The following WDR93 variants were observed in gnomAD, a reference collection of about 807,000 sequenced individuals.
WDR93 encodes the protein WD repeat domain 93, also known as WD repeat-containing protein 93.
A neutral mutation model predicts 82.9 loss-of-function variants in WDR93; 73 were observed. That is an observed-to-expected ratio of 0.88 (90% CI 0.73 to 1.07). The LOEUF (loss-of-function observed/expected upper bound fraction) is 1.07, where lower values mean the gene tolerates loss of function less well. Among genes scored for constraint, WDR93 ranks in the 50% least tolerant of loss-of-function variants. The probability of loss-of-function intolerance (pLI) is 0.00; values close to 1 mark genes in which losing one functional copy is unlikely to be tolerated. For synonymous variants in WDR93, 283 were observed against 300.1 expected (o/e 0.94, Z 0.59); for missense variants, 738 against 826.0 (o/e 0.89, Z 1.31).
At chr15:89,717,449 A>C (rs2141648619) in intron 7 of WDR93, among the ~76,000 whole-genome samples, 1 of 152,254 alleles carries the variant, frequency 6.6e-6, no homozygotes, top group South Asian at 2.1e-4. Context: ...ATTCTCAGTG[A>C]CTTAATCTTG....
chr15:89,691,905 A>G (rs947203451), intron 1 of WDR93, among the ~76,000 whole-genome samples: 1 of 152,152 alleles, frequency 6.6e-6, no homozygotes, highest in African/African-American at 2.4e-5. Context: ...CTGTTTTCCT[A>G]CATTGACAAA....
rs115116586 is a variant in WDR93, at chr15:89,701,832, C to A, written c.86C>A (p.Thr29Lys). The A allele has an allele frequency of 6.2e-7, 1 of 1,614,080 alleles. No homozygotes were observed. Among genetic ancestry groups the A allele is most frequent in the Admixed American group, 1.7e-5 (1 of 60,006 alleles). The change falls in exon 2 of 17, where the codon ACA becomes AAA. Residue 29 changes from threonine (T) to lysine (K), a missense_variant. Physicochemically the swap from Thr to Lys is moderately conservative, Grantham distance 78 (BLOSUM62 -1). Transcript: ENST00000268130. ...RKGPLEVPPP[T>K]EKDWPKDDEQ... ...GGACCATTGGAGGTGCCACCCCCAA[C>A]AGAGAAGGACTGGCCTAAAGACGAT...
intron 3 of WDR93, 95 bp downstream of exon 3, chr15:89,703,237 A>G: frequency 3.0e-6 from 4 of 1,330,472 alleles, no homozygotes; most frequent in Non-Finnish European, 1.1e-6. Context: ...GGGGCCAGGC[A>G]TGGAGACTTC....
Position 89,737,699 on chromosome 15 carries a change from T to C in WDR93, c.1735T>C (p.Ser579Pro). 1.2e-6 allele frequency: 2 copies of C among 1,614,154 alleles called. No homozygotes were observed. The highest frequency in any genetic ancestry group is 1.7e-6 in the Non-Finnish European group (2 of 1,180,014). The stretch of plus-strand genomic sequence containing the variant: ...CCCCTGGAAGCCAGTGTTTGCTGTG[T>C]CTCCAGACCATCCATGTTTCCTGCT... ...EVPWKPVFAV[S>P]PDHPCFLLRG... Residue 579 changes from serine to proline, a missense_variant, in exon 15 of 17, where the codon TCT (serine) becomes CCT (proline). Coordinates refer to ENST00000268130, the MANE Select transcript of WDR93 (RefSeq NM_020212.2).
intron 2 of WDR93, 69 bp downstream of exon 2, chr15:89,702,118 T>C: frequency 6.7e-7 from 1 of 1,482,822 alleles, no homozygotes; most frequent in Non-Finnish European, 9.0e-7. Context: ...AATCCCCTGA[T>C]CCAGGAAGGA....
chr15:89,732,782 C>T (rs1300631400), intron 12 of WDR93, among the ~76,000 whole-genome samples: 1 of 152,092 alleles, frequency 6.6e-6, no homozygotes, highest in East Asian at 1.9e-4. Flanking sequence ...TCTTGCTTCT[C>T]CCCCTCCCCA....
chr15:89,696,214 A>G (rs1965166417), intron 1 of WDR93, among the ~76,000 whole-genome samples: 1 of 152,216 alleles, frequency 6.6e-6, no homozygotes, highest in Admixed American at 6.5e-5. Flanking sequence ...AGAATGCTGT[A>G]TAAATGGAAT....
intron 11 of WDR93, among the ~76,000 whole-genome samples, chr15:89,730,344 G>T (rs1344987929): frequency 7.8e-6 from 1 of 128,910 alleles, no homozygotes; most frequent in South Asian, 2.5e-4. Flanking sequence ...AAAAAAAAAA[G>T]AGAGAGATTG....
At chr15:89,726,384 C>T (rs536311637) in intron 8 of WDR93, among the ~76,000 whole-genome samples, 32 of 152,294 alleles carry the variant, frequency 2.1e-4, no homozygotes, top group African/African-American at 7.5e-4. Context: ...GATCTGGCAT[C>T]GTCCTTTGAG....
At chr15:89,730,322 CA>C (rs370652070) in intron 11 of WDR93, among the ~76,000 whole-genome samples, 1,966 of 123,266 alleles carry the variant, frequency 0.016, 43 homozygotes, top group African/African-American at 0.055. Flanking sequence ...AAGACTATCT[CA>C]AAAAAAAAAA....
rs1487894219 is a variant in WDR93 at position 89,701,917 on chromosome 15, T to A, written c.171T>A (p.Tyr57Ter). 1 of 1,614,198 alleles carries A rather than the reference T, an allele frequency of 6.2e-7. No individual in the cohort carries two copies. Among genetic ancestry groups the A allele is most frequent in the Non-Finnish European group, 8.5e-7 (1 of 1,180,024 alleles). The change falls in exon 2 of 17, where the codon TAT becomes TAA. Residue 57 changes from tyrosine (Y) to a stop codon, truncating the protein, a stop_gained. Coordinates refer to ENST00000268130, the MANE Select transcript of WDR93 (RefSeq NM_020212.2). LOFTEE classifies it high-confidence loss of function. ...DEELDSLPQP[Y>*]RMINKLVNLL... ...AGCTGGATTCCTTGCCTCAGCCTTA[T>A]CGAATGATCAACAAGCTGGTGAACC...
chr15:89,725,312 A>C (rs1351340819), intron 8 of WDR93, among the ~76,000 whole-genome samples: 1 of 152,226 alleles, frequency 6.6e-6, no homozygotes, highest in East Asian at 1.9e-4. Flanking sequence ...AACAATATTG[A>C]GCAAAAGAGG....
intron 11 of WDR93, among the ~76,000 whole-genome samples, chr15:89,730,183 G>T (rs533690801): frequency 6.6e-6 from 1 of 152,244 alleles, no homozygotes; most frequent in Non-Finnish European, 1.5e-5. Context: ...AAATTAGCCG[G>T]ATATGGTGGC....
chr15:89,708,813 C>T (rs1411460968), intron 4 of WDR93, among the ~76,000 whole-genome samples: 1 of 152,158 alleles, frequency 6.6e-6, no homozygotes. Flanking sequence ...GAATGCTGTC[C>T]GCATTGTAGG....
At chr15:89,720,457 G>T (rs1398811858) in intron 7 of WDR93, among the ~76,000 whole-genome samples, 1 of 152,056 alleles carries the variant, frequency 6.6e-6, no homozygotes, top group Non-Finnish European at 1.5e-5. Context: ...ATTTTTAGTA[G>T]AGATGGGGTT....
At chr15:89,723,868 T>C (rs960880578) in intron 8 of WDR93, among the ~76,000 whole-genome samples, 3 of 152,148 alleles carry the variant, frequency 2.0e-5, no homozygotes, top group African/African-American at 4.8e-5. Flanking sequence ...GAAGTAAATA[T>C]ATGAAAGGCA....
Position 89,731,497 on chromosome 15 carries a change from GCTC to G in WDR93, c.1274_1276del (p.Ser425del), listed in dbSNP as rs1244707456. 3 of 1,614,064 alleles carry G rather than the reference GCTC, an allele frequency of 1.9e-6. No individual in the cohort carries two copies. The highest frequency in any genetic ancestry group is 2.7e-5 in the African/African-American group (2 of 74,936). ...CCCATTGCAGTCTCTCAGCTCAGCT[GCTC>G]CTCCTCCTACCTGGTGCTGGCCTGC... On this transcript the variant is annotated inframe_deletion, in exon 12 of 17. Coordinates refer to ENST00000268130, the MANE Select transcript of WDR93 (RefSeq NM_020212.2).
intron 11 of WDR93, among the ~76,000 whole-genome samples, chr15:89,730,580 A>G (rs898430925): frequency 2.6e-5 from 4 of 152,146 alleles, no homozygotes; most frequent in African/African-American, 9.7e-5. Context: ...CTAAGGAAAT[A>G]TAGGTTGTTG....
chr15:89,737,233 A>T (rs1967272789), intron 14 of WDR93, among the ~76,000 whole-genome samples: 1 of 152,210 alleles, frequency 6.6e-6, no homozygotes, highest in African/African-American at 2.4e-5. Flanking sequence ...TGGGAAGGAA[A>T]GGCATTGGGA....
Sources: allele counts gnomAD v4.1 joint callset (sites outside exome capture counted in the v4.1 genomes callset), GRCh38; gene constraint gnomAD v4.1.1; transcripts MANE v1.5; gene names NCBI Gene and HGNC (gene_info 2026-07-23, HGNC 2026-07-21).